The following SOCS7 variants were observed in gnomAD, a reference collection of about 807,000 sequenced individuals.
SOCS7 encodes suppressor of cytokine signaling 7.
SOCS7 carries 18 observed loss-of-function variants against 58.9 expected under a neutral mutation model. The observed-to-expected ratio is 0.31, with a 90% CI of 0.21 to 0.45. The LOEUF (loss-of-function observed/expected upper bound fraction) is 0.45. Among genes scored for constraint, SOCS7 ranks in the 20% least tolerant of loss-of-function variants. The pLI is 1.00. For synonymous variants in SOCS7, 388 were observed against 364.3 expected (o/e 1.06, Z -0.74); for missense variants, 667 against 837.3 (o/e 0.80, Z 2.51).
chr17:38,366,556 A>G (rs1302642326), intron 5 of SOCS7, 139 bp downstream of exon 5: 2 of 1,037,598 alleles, frequency 1.9e-6, no homozygotes, highest in Middle Eastern at 2.6e-4. Flanking sequence ...GTGTGGTGGC[A>G]TAATCATAGC....
intron 2 of SOCS7, 112 bp from the exon 3 acceptor site, chr17:38,364,640 C>G (rs1235710555): frequency 1.2e-6 from 1 of 801,998 alleles, no homozygotes; most frequent in Non-Finnish European, 2.1e-6. Flanking sequence ...TTTGAGCTTT[C>G]TGAGAGCAGC....
At chr17:38,363,028 C>A (rs1031448735) in intron 2 of SOCS7, among the ~76,000 whole-genome samples, 4 of 151,998 alleles carry the variant, frequency 2.6e-5, no homozygotes, top group Non-Finnish European at 1.5e-5. Flanking sequence ...GCAGGAGAAT[C>A]GCTTGAACCC....
rs193296195 is a variant in SOCS7 at position 38,376,446 on chromosome 17, A to G, written c.1553-1268A>G. Among the ~76,000 whole-genome samples the G allele has an allele frequency of 3.2e-4, 48 of 152,226 alleles. 2 individuals carry two copies. The East Asian group carries it at 7.5e-3, about 24-fold the overall frequency. On this transcript the variant is annotated intron_variant, in intron 6 of 9. Coordinates refer to ENST00000612932, the MANE Select transcript of SOCS7 (RefSeq NM_014598.4). ...AATTTTTTTTTCTTATCAACGTTAC[A>G]AGGAAACAAGCATGGTGGCTCACGT...
At chr17:38,359,686 A>AGG (rs1346816076) in intron 1 of SOCS7, among the ~76,000 whole-genome samples, 1 of 151,830 alleles carries the variant, frequency 6.6e-6, no homozygotes, top group African/African-American at 2.4e-5. Context: ...CTATAATGCT[A>AGG]GGAGACAGGC....
In SOCS7 at chr17:38,370,580, A is replaced by G. The variant is rs193042539; in HGVS notation, c.1552+2530A>G. Among the ~76,000 whole-genome samples, 284 of 151,858 alleles carry G rather than the reference A, an allele frequency of 1.9e-3. 1 individual carries two copies. The highest frequency in any genetic ancestry group is 6.8e-3 in the Middle Eastern group (2 of 292). ...GGTCTTGAACTCCTGGACTGGAGCA[A>G]TTCTACTGCCTTGGCCTCCCAAAGT... On this transcript the variant is annotated intron_variant, in intron 6 of 9. Transcript: ENST00000612932.
intron 7 of SOCS7, among the ~76,000 whole-genome samples, chr17:38,379,853 T>A (rs2037979232): frequency 6.6e-6 from 1 of 152,216 alleles, no homozygotes; most frequent in Non-Finnish European, 1.5e-5. Context: ...GGGGGGTTTT[T>A]ATTTAACAAA....
At chr17:38,389,900 C>CAT (rs1263290062) in intron 7 of SOCS7, among the ~76,000 whole-genome samples, 2 of 20,184 alleles carry the variant, frequency 9.9e-5, no homozygotes, top group African/African-American at 1.6e-4. Flanking sequence ...TATATATATA[C>CAT]ACATATAGAG....
chr17:38,373,916 C>T (rs1458327150), intron 6 of SOCS7, among the ~76,000 whole-genome samples: 1 of 152,328 alleles, frequency 6.6e-6, no homozygotes, highest in Middle Eastern at 3.4e-3. Flanking sequence ...TGGAAAGATT[C>T]CTCCATTGAA....
At chr17:38,363,626 C>CCAGTGAG (rs1555567872) in intron 2 of SOCS7, among the ~76,000 whole-genome samples, 32 of 152,204 alleles carry the variant, frequency 2.1e-4, no homozygotes, top group African/African-American at 7.7e-4. Flanking sequence ...TGACCCACTG[C>CCAGTGAG]ACCTGGTCTC....
intron 3 of SOCS7, 137 bp from the exon 4 acceptor site, chr17:38,365,171 G>A: frequency 1.6e-6 from 1 of 636,432 alleles, no homozygotes; most frequent in East Asian, 2.8e-5. Flanking sequence ...GTTGCCCTCT[G>A]TGCAAAAAGA....
At position 38,403,163 on chromosome 17, in the gene SOCS7, C is replaced by G. The variant is rs2038344838; in HGVS notation, c.*3681C>G. 1 of 152,020 alleles carries G rather than the reference C, an allele frequency of 6.6e-6. No individual in the cohort carries two copies. The highest frequency in any genetic ancestry group is 2.1e-4 in the South Asian group (1 of 4,822). 9.4% of individuals were successfully genotyped at this position (152,020 alleles called of 1,614,324 possible). ...CACCTCCCTGAGGAGAAAGGTGTGG[C>G]CAAAGGAAACTCCTGCATGGCTCCT... On this transcript the variant is annotated 3_prime_UTR_variant, in exon 10 of 10. Coordinates refer to ENST00000612932, the MANE Select transcript of SOCS7 (RefSeq NM_014598.4).
At chr17:38,381,395 C>T (rs1266943731) in intron 7 of SOCS7, among the ~76,000 whole-genome samples, 2 of 152,090 alleles carry the variant, frequency 1.3e-5, no homozygotes, top group African/African-American at 2.4e-5. Context: ...AGGTTGAGCT[C>T]TGTCAGTCTG....
In SOCS7 at chr17:38,352,880, C is replaced by T; in HGVS notation, c.828C>T (p.Ile276=). The T allele has an allele frequency of 6.3e-7, 1 of 1,596,918 alleles. No homozygotes were observed. The highest frequency in any genetic ancestry group is 8.5e-7 in the Non-Finnish European group (1 of 1,172,602). The part of the protein sequence containing the change: ...AGPSRKGSFK[I]RLSRLFRTKS... ...CTTCTCGGAAGGGCTCCTTCAAAATCCGCCTCAGTCGCCTCTTTCGCACCA... is the reference window on the plus strand; with the variant it reads ...CTTCTCGGAAGGGCTCCTTCAAAATTCGCCTCAGTCGCCTCTTTCGCACCA... Residue 276 remains isoleucine, a synonymous_variant, in exon 1 of 10, where the codon ATC becomes ATT. Coordinates refer to ENST00000612932, the MANE Select transcript of SOCS7 (RefSeq NM_014598.4). This position sits in a 1 kb window ranked among gnomAD's most constrained non-coding sequence, Gnocchi z 5.5.
At chr17:38,357,417 A>G (rs1028444075) in intron 1 of SOCS7, among the ~76,000 whole-genome samples, 2 of 152,220 alleles carry the variant, frequency 1.3e-5, no homozygotes, top group Admixed American at 1.3e-4. Flanking sequence ...GGCTTAAAAA[A>G]AAATCTCTGT....
In SOCS7 at chr17:38,351,930, G is replaced by A. The variant is rs997926180; in HGVS notation, c.-123G>A. ...GCCCCCCGCCCCCCTCTATGAGGCA[G>A]AGGCCGCGGCGGCCGTTAGCGCTGT... On this transcript the variant is annotated 5_prime_UTR_variant, in exon 1 of 10. Transcript: ENST00000612932. Among the ~76,000 whole-genome samples, 2 of 151,514 alleles carry A rather than the reference G, an allele frequency of 1.3e-5. No individual in the cohort carries two copies. Among genetic ancestry groups the A allele is most frequent in the Admixed American group, 6.6e-5 (1 of 15,226 alleles).
chr17:38,393,780 A>G (rs953908811), intron 7 of SOCS7, among the ~76,000 whole-genome samples: 4 of 151,804 alleles, frequency 2.6e-5, no homozygotes, highest in Non-Finnish European at 5.9e-5. Flanking sequence ...GGTGCCTGTA[A>G]TCCCAGCTAC....
At chr17:38,392,462 C>T (rs1033015363) in intron 7 of SOCS7, among the ~76,000 whole-genome samples, 1 of 152,122 alleles carries the variant, frequency 6.6e-6, no homozygotes, top group Admixed American at 6.6e-5. Flanking sequence ...TTCTGTTTGC[C>T]ACAGTTTAAT....
Position 38,352,432 on chromosome 17 carries a change from T to G in SOCS7, c.380T>G (p.Leu127Arg). Residue 127 changes from leucine (L) to arginine (R), a missense_variant, in exon 1 of 10, where the codon CTG becomes CGG. Leu to Arg is a moderately radical substitution (Grantham distance 102). Around this residue, in one of 9 missense-constraint regions of SOCS7, gnomAD observed 154 missense variants for 156.3 expected, o/e 0.98. Transcript: ENST00000612932. This position sits in a 1 kb window ranked among gnomAD's most constrained non-coding sequence, Gnocchi z 5.5. ...GGACTAGAGGCGCAGTTGGCGGCTC[T>G]GGGGCTCGGGCAGCCGGCGGGGCCG... is the stretch of plus-strand genomic sequence containing the variant. ...AAGLEAQLAALGLGQPAGPGV... is the reference protein window; with the variant it reads ...AAGLEAQLAARGLGQPAGPGV... The G allele has an allele frequency of 6.9e-7, 1 of 1,456,350 alleles. No homozygotes were observed. Among genetic ancestry groups the G allele is most frequent in the Non-Finnish European group, 9.0e-7 (1 of 1,108,410 alleles). The allele number at this position is 1,456,350 out of a possible 1,614,324, so 90.2% of individuals were successfully genotyped here.
At position 38,376,125 on chromosome 17, in the gene SOCS7, G is replaced by C. The variant is rs146698633; in HGVS notation, c.1553-1589G>C. Among the ~76,000 whole-genome samples, 507 of 152,306 alleles carry C rather than the reference G, an allele frequency of 3.3e-3. 1 individual carries two copies. The highest frequency in any genetic ancestry group is 3.3e-3 in the Non-Finnish European group (227 of 68,028). The stretch of plus-strand genomic sequence containing the variant: ...AAATATATGTAAACTATACACACAT[G>C]TAAGAAAGATTAATGAAAATAAGTT... On this transcript the variant is annotated intron_variant, in intron 6 of 9. Transcript: ENST00000612932.
Sources: gnomAD v4.1 joint callset for allele counts (sites outside exome capture counted in the v4.1 genomes callset) on GRCh38, gnomAD v4.1.1 for gene constraint, gnomAD v4.1.1 regional missense constraint, Gnocchi (gnomAD v3.1) non-coding constraint, MANE v1.5 for transcripts, NCBI Gene and HGNC (gene_info 2026-07-23, HGNC 2026-07-21) for gene names.